NALCN: variants seen among roughly 807,000 people sequenced by gnomAD.
NALCN encodes the protein sodium leak channel, non-selective.
Under a neutral mutation model 225.3 loss-of-function variants are expected in NALCN, and 111 were observed. The ratio of observed to expected loss-of-function variants is 0.49; its 90% CI spans 0.42 to 0.58. The LOEUF (loss-of-function observed/expected upper bound fraction) is 0.58, where lower values mean the gene tolerates loss of function less well. NALCN is among the 20% of genes least tolerant of loss of function. NALCN has a pLI of 0.00. For missense variants in NALCN, 1,378 were observed against 2,202.4 expected (o/e 0.63, Z 7.49); for synonymous variants, 764 against 769.0 (o/e 0.99, Z 0.11).
rs113745503 is a variant in NALCN at position 101,134,922 on chromosome 13, C to T, written c.2118+8158G>A. Among the ~76,000 whole-genome samples the T allele has an allele frequency of 1.4e-3, 216 of 152,216 alleles. 1 individual carries two copies. The highest frequency in any genetic ancestry group is 4.8e-3 in the African/African-American group (200 of 41,562). On this transcript the variant is annotated intron_variant, in intron 17 of 43. Transcript: ENST00000251127. ...ATAAGAAACTATAAATGCCCGGGTG[C>T]GGAGACTCACGCCTGTAGTCCCAGC...
intron 9 of NALCN, among the ~76,000 whole-genome samples, chr13:101,284,948 G>A (rs979354881): frequency 8.5e-5 from 13 of 152,108 alleles, no homozygotes; most frequent in African/African-American, 3.1e-4. Flanking sequence ...TGTATGGTAG[G>A]AATAGGGCAA....
chr13:101,294,180 T>G (rs1007252518), intron 7 of NALCN, among the ~76,000 whole-genome samples: 2 of 152,210 alleles, frequency 1.3e-5, no homozygotes, highest in African/African-American at 2.4e-5. Flanking sequence ...TTCTCTTGAT[T>G]GAGACTGGGG....
intron 3 of NALCN, among the ~76,000 whole-genome samples, chr13:101,389,286 G>C (rs1479184705): frequency 1.3e-5 from 2 of 152,148 alleles, no homozygotes; most frequent in African/African-American, 4.8e-5. Context: ...ATCTCAGAAG[G>C]TGAACCTTAA....
intron 10 of NALCN, among the ~76,000 whole-genome samples, chr13:101,266,384 C>G (rs2042598591): frequency 6.6e-6 from 1 of 152,122 alleles, no homozygotes; most frequent in African/African-American, 2.4e-5. Context: ...GGTATAAATG[C>G]TTAAGTACTT....
intron 6 of NALCN, among the ~76,000 whole-genome samples, chr13:101,358,709 G>T (rs553202581): frequency 6.6e-6 from 1 of 152,294 alleles, no homozygotes; most frequent in East Asian, 1.9e-4. Context: ...ACACCCAAAA[G>T]AATAGACATC....
intron 10 of NALCN, among the ~76,000 whole-genome samples, chr13:101,270,486 T>C (rs1034292515): frequency 6.6e-6 from 1 of 152,246 alleles, no homozygotes; most frequent in African/African-American, 2.4e-5. Context: ...CTAGCTGTCC[T>C]TTCTAATACA....
chr13:101,131,627 G>A (rs1412951159), intron 17 of NALCN, among the ~76,000 whole-genome samples: 1 of 152,100 alleles, frequency 6.6e-6, no homozygotes, highest in African/African-American at 2.4e-5. Context: ...ATGGAGCAAA[G>A]AAGATGTTCT....
At chr13:101,225,248 G>T (rs545669557) in intron 13 of NALCN, among the ~76,000 whole-genome samples, 7 of 152,114 alleles carry the variant, frequency 4.6e-5, no homozygotes, top group African/African-American at 1.7e-4. Context: ...CCCTATCTCC[G>T]CCTGCATTAT....
At position 101,160,026 on chromosome 13, in the gene NALCN, CT is replaced by C. The variant is rs563672687; in HGVS notation, c.1840-15131del. ...CTGAAGTGCAGCGGTGCGATCTCGG[CT>C]CACTGCAACCTCTGCCTCCTGGGTT... is the stretch of plus-strand genomic sequence containing the variant. On this transcript the variant is annotated intron_variant, in intron 15 of 43. Coordinates refer to ENST00000251127, the MANE Select transcript of NALCN (RefSeq NM_052867.4). 3.3e-5 allele frequency among the ~76,000 whole-genome samples: 5 copies of C among 152,222 alleles called. No individual in the cohort carries two copies. In the East Asian group the frequency reaches 9.7e-4, roughly 29 times the overall value.
At chr13:101,146,815 A>G (rs2037370524) in intron 15 of NALCN, among the ~76,000 whole-genome samples, 1 of 152,198 alleles carries the variant, frequency 6.6e-6, no homozygotes, top group African/African-American at 2.4e-5. Flanking sequence ...CACGGAGCCC[A>G]CAGTATAACT....
chr13:101,206,856 T>C (rs552093199), intron 13 of NALCN, among the ~76,000 whole-genome samples: 3 of 151,888 alleles, frequency 2.0e-5, no homozygotes, highest in Admixed American at 1.3e-4. Flanking sequence ...GCTGCAAATA[T>C]AGTTTGGTAA....
chr13:101,383,894 G>A (rs2046916319), intron 3 of NALCN, among the ~76,000 whole-genome samples: 1 of 152,154 alleles, frequency 6.6e-6, no homozygotes, highest in South Asian at 2.1e-4. Context: ...GAACTGGTAG[G>A]AATTAAAATT....
At chr13:101,236,614 G>T (rs915193937) in intron 12 of NALCN, among the ~76,000 whole-genome samples, 21 of 152,116 alleles carry the variant, frequency 1.4e-4, no homozygotes, top group Non-Finnish European at 4.4e-5. Flanking sequence ...TCCTTTGTAG[G>T]GGACGTGGAT....
Position 101,395,293 on chromosome 13 carries a change from A to G in NALCN, c.181T>C (p.Phe61Leu). Residue 61 changes from phenylalanine to leucine, a missense_variant, in exon 3 of 44, where the codon TTC becomes CTC. Physicochemically the swap from Phe to Leu is conservative, Grantham distance 22. This residue lies in a region of NALCN where 146 missense variants were observed against 205.9 expected (regional missense o/e 0.71). Coordinates refer to ENST00000251127, the MANE Select transcript of NALCN (RefSeq NM_052867.4). The stretch of plus-strand genomic sequence containing the variant: ...TACTGAAGTGGAGGATAGTGCTCGA[A>G]GGTCATTGGCGTATTCATACAAACA... ...ISVCMNTPMTFEHYPPLQYVT... is the reference protein window; with the variant it reads ...ISVCMNTPMTLEHYPPLQYVT... 6.2e-7 allele frequency: 1 copy of G among 1,614,134 alleles called. No individual in the cohort carries two copies. The highest frequency in any genetic ancestry group is 8.5e-7 in the Non-Finnish European group (1 of 1,179,966).
chr13:101,065,564 G>C lies in NALCN; in HGVS notation c.4447-3C>G. On this transcript the variant is annotated splice_region_variant and splice_polypyrimidine_tract_variant and intron_variant, in intron 39 of 43. Transcript: ENST00000251127. ...ACGCGGAACGTGGGGATCACCCCCTGCGGGGCAGAGCACAAGAAGTAGCAA... is the reference window on the plus strand; with the variant it reads ...ACGCGGAACGTGGGGATCACCCCCTCCGGGGCAGAGCACAAGAAGTAGCAA... 1 of 1,613,484 alleles carries C rather than the reference G, an allele frequency of 6.2e-7. No homozygotes were observed. Among genetic ancestry groups the C allele is most frequent in the Non-Finnish European group, 8.5e-7 (1 of 1,179,934 alleles).
chr13:101,294,652 C>T (rs890051886), intron 7 of NALCN, among the ~76,000 whole-genome samples: 6 of 148,582 alleles, frequency 4.0e-5, no homozygotes, highest in African/African-American at 1.5e-4. Context: ...CTGGATATAC[C>T]AGCATTTATT....
intron 34 of NALCN, among the ~76,000 whole-genome samples, chr13:101,079,436 A>G (rs1017982533): frequency 6.6e-6 from 1 of 152,128 alleles, no homozygotes; most frequent in Non-Finnish European, 1.5e-5. Flanking sequence ...CAGCTCTGTC[A>G]TCTTTCCATC....
At chr13:101,174,543 C>T (rs9300654) in intron 15 of NALCN, among the ~76,000 whole-genome samples, 37,696 of 151,794 alleles carry the variant, frequency 0.25, 5,404 homozygotes, top group Non-Finnish European at 0.33. Context: ...ATTGTGACCA[C>T]TAGATATAAA....
At chr13:101,295,348 G>A (rs1327250961) in intron 7 of NALCN, among the ~76,000 whole-genome samples, 2 of 152,008 alleles carry the variant, frequency 1.3e-5, no homozygotes, top group South Asian at 2.1e-4. Context: ...CCAAACAGTG[G>A]CTACAGAAAT....
Sources: gnomAD v4.1 joint callset for allele counts (sites outside exome capture counted in the v4.1 genomes callset) on GRCh38, gnomAD v4.1.1 for gene constraint, gnomAD v4.1.1 regional missense constraint, MANE v1.5 for transcripts, NCBI Gene and HGNC (gene_info 2026-07-23, HGNC 2026-07-21) for gene names.